NEK10: variants seen among roughly 807,000 people sequenced by gnomAD.
NEK10 encodes the protein serine/threonine-protein kinase Nek10.
A neutral mutation model predicts 159.8 loss-of-function variants in NEK10; 122 were observed. The ratio of observed to expected loss-of-function variants is 0.76; its 90% CI spans 0.66 to 0.89. NEK10 has a LOEUF of 0.89. NEK10 is among the 40% of genes least tolerant of loss of function. NEK10 has a pLI of 0.00. For missense variants in NEK10, 1,342 were observed against 1,323.1 expected (o/e 1.01, Z -0.22); for synonymous variants, 466 against 457.1 (o/e 1.02, Z -0.25).
intron 30 of NEK10, among the ~76,000 whole-genome samples, chr3:27,144,521 A>G (rs796159971): frequency 5.3e-4 from 81 of 152,342 alleles, no homozygotes; most frequent in African/African-American, 1.8e-3. Context: ...TCTGACCAGA[A>G]AAGAATCCAT....
chr3:27,259,400 G>T (rs1445371925), intron 22 of NEK10, among the ~76,000 whole-genome samples: 3 of 152,118 alleles, frequency 2.0e-5, no homozygotes, highest in South Asian at 2.1e-4. Flanking sequence ...TTTGTATAAG[G>T]TGTAAGGAAG....
At chr3:27,322,935 T>A (rs1176743787) in intron 5 of NEK10, among the ~76,000 whole-genome samples, 2 of 152,184 alleles carry the variant, frequency 1.3e-5, no homozygotes, top group African/African-American at 4.8e-5. Context: ...TTTGGTTTTG[T>A]TTTTTAGAAA....
intron 31 of NEK10, among the ~76,000 whole-genome samples, chr3:27,137,890 A>G (rs1045134672): frequency 1.3e-5 from 2 of 152,224 alleles, no homozygotes; most frequent in African/African-American, 4.8e-5. Context: ...ACACCAAAGA[A>G]GGCGGTTCCT....
intron 1 of NEK10, among the ~76,000 whole-genome samples, chr3:27,355,827 T>C (rs2048288531): frequency 6.6e-6 from 1 of 152,056 alleles, no homozygotes; most frequent in Non-Finnish European, 1.5e-5. Context: ...TCCTCCCCTC[T>C]CCCTCTTGCT....
intron 35 of NEK10, among the ~76,000 whole-genome samples, chr3:27,113,305 C>T (rs1167445804): frequency 6.6e-6 from 1 of 151,778 alleles, no homozygotes; most frequent in Non-Finnish European, 1.5e-5. Flanking sequence ...GTGGTGGGCG[C>T]CTATAATCCC....
intron 30 of NEK10, among the ~76,000 whole-genome samples, chr3:27,147,441 C>T (rs1879765): frequency 0.018 from 2,768 of 152,308 alleles, 49 homozygotes; most frequent in African/African-American, 0.046. Context: ...CCCTAGCCTC[C>T]GGCAGAGTTT....
At position 27,308,974 on chromosome 3, in the gene NEK10, G is replaced by T. The variant is rs1046654487; in HGVS notation, c.668C>A (p.Thr223Asn). ...TLVNLLGARD[T>N]NVLLGSLLAL... is the part of the protein sequence containing the mutation. ...CAGAAGGGAACCCAATAGAACATTA[G>T]TATCTCGGGCACCAAGTAAATTTAC... Residue 223 changes from threonine to asparagine, a missense_variant, in exon 10 of 36, where the codon ACT becomes AAT. By Grantham distance (65) the Thr-to-Asn change is moderately conservative (BLOSUM62 0). Transcript: ENST00000691995. The T allele has an allele frequency of 2.5e-6, 4 of 1,598,868 alleles. No homozygotes were observed. The highest frequency in any genetic ancestry group is 3.3e-5 in the Admixed American group (2 of 59,748).
Position 27,267,178 on chromosome 3 carries a change from G to C in NEK10, c.2015-10807C>G, listed in dbSNP as rs73821932. On this transcript the variant is annotated intron_variant, in intron 22 of 35. Coordinates refer to ENST00000691995, the MANE Select transcript of NEK10 (RefSeq NM_001394966.1). ...TCCAGGGGCAGCTTTCTGTTTGACA[G>C]CTTTATCCTGCAGCATTTCAATGCA... 5.4e-3 allele frequency among the ~76,000 whole-genome samples: 822 copies of C among 152,270 alleles called. 10 individuals carry two copies. The highest frequency in any genetic ancestry group is 0.019 in the African/African-American group (784 of 41,546).
At chr3:27,238,701 C>G (rs1198515912) in intron 23 of NEK10, among the ~76,000 whole-genome samples, 8 of 150,712 alleles carry the variant, frequency 5.3e-5, no homozygotes, top group Non-Finnish European at 1.0e-4. Context: ...AAATACATTA[C>G]TGTATTACCA....
At chr3:27,307,811 G>A (rs1356426988) in intron 11 of NEK10, 48 bp downstream of exon 11, 1 of 860,716 alleles carries the variant, frequency 1.2e-6, no homozygotes, top group Non-Finnish European at 2.0e-6. Flanking sequence ...AAGTGTATCT[G>A]TCAAATAAAG....
chr3:27,330,360 A>G (rs916789925), intron 5 of NEK10, among the ~76,000 whole-genome samples: 2 of 152,222 alleles, frequency 1.3e-5, no homozygotes, highest in African/African-American at 4.8e-5. Flanking sequence ...TTTGAGTAAA[A>G]GAGAGAAAAA....
chr3:27,140,215 C>G (rs1026899687), intron 31 of NEK10, among the ~76,000 whole-genome samples: 1 of 152,136 alleles, frequency 6.6e-6, no homozygotes, highest in Non-Finnish European at 1.5e-5. Flanking sequence ...AGACAGAAAC[C>G]TGCCCTAAGT....
At chr3:27,230,490 C>T (rs1213512041) in intron 23 of NEK10, among the ~76,000 whole-genome samples, 1 of 151,902 alleles carries the variant, frequency 6.6e-6, no homozygotes, top group Non-Finnish European at 1.5e-5. Context: ...TAACAAGTAA[C>T]ATGATGAATA....
At chr3:27,144,132 C>T (rs968908865) in intron 30 of NEK10, among the ~76,000 whole-genome samples, 3 of 152,172 alleles carry the variant, frequency 2.0e-5, no homozygotes, top group Non-Finnish European at 2.9e-5. Context: ...TTCCTCCCTC[C>T]TTCCTTGCCT....
chr3:27,207,166 T>G (rs1430532213), intron 23 of NEK10, among the ~76,000 whole-genome samples: 1 of 152,212 alleles, frequency 6.6e-6, no homozygotes, highest in Admixed American at 6.5e-5. Context: ...TAATTCCTGG[T>G]GTGTCCAGCA....
intron 1 of NEK10, among the ~76,000 whole-genome samples, chr3:27,368,015 G>A (rs1401499049): frequency 6.6e-6 from 1 of 152,134 alleles, no homozygotes; most frequent in Admixed American, 6.5e-5. Flanking sequence ...CAGTTTAGCC[G>A]GGCACGGTGG....
intron 23 of NEK10, among the ~76,000 whole-genome samples, chr3:27,208,984 T>C (rs764503459): frequency 2.6e-5 from 4 of 152,162 alleles, no homozygotes; most frequent in Non-Finnish European, 5.9e-5. Flanking sequence ...GAGAATTAGA[T>C]GACACATTCA....
At chr3:27,167,013 C>T (rs928020017) in intron 29 of NEK10, among the ~76,000 whole-genome samples, 13 of 152,104 alleles carry the variant, frequency 8.5e-5, no homozygotes, top group Admixed American at 7.2e-4. Context: ...ATTATGCATA[C>T]ACTGATGAAT....
chr3:27,296,425 C>T (rs901181326), intron 14 of NEK10, among the ~76,000 whole-genome samples: 2 of 152,144 alleles, frequency 1.3e-5, no homozygotes, highest in Non-Finnish European at 2.9e-5. Context: ...ATCTGGCCAA[C>T]TTCAGATGCC....
Sources: gnomAD v4.1 joint callset for allele counts (sites outside exome capture counted in the v4.1 genomes callset) on GRCh38, gnomAD v4.1.1 for gene constraint, MANE v1.5 for transcripts, NCBI Gene and HGNC (gene_info 2026-07-23, HGNC 2026-07-21) for gene names.